The following ST6GAL2 variants were observed in gnomAD, a reference collection of about 807,000 sequenced individuals.
The protein encoded by ST6GAL2 is ST6 beta-galactoside alpha-2,6-sialyltransferase 2, also known as beta-galactoside alpha-2,6-sialyltransferase 2.
ST6GAL2 carries 24 observed loss-of-function variants against 37.5 expected under a neutral mutation model. The ratio of observed to expected loss-of-function variants is 0.64; its 90% CI spans 0.46 to 0.90. The LOEUF is 0.90. Among genes scored for constraint, ST6GAL2 ranks in the 40% least tolerant of loss-of-function variants. ST6GAL2 has a pLI of 0.00. For synonymous variants in ST6GAL2, 306 were observed against 295.1 expected, an observed-to-expected ratio of 1.04 and a Z score of -0.38; for missense variants, 715 against 712.7, an observed-to-expected ratio of 1.00 and a Z score of -0.04.
At chr2:106,869,167 A>T (rs1384435049) in intron 1 of ST6GAL2, among the ~76,000 whole-genome samples, 1 of 152,124 alleles carries the variant, frequency 6.6e-6, no homozygotes, top group Non-Finnish European at 1.5e-5. Context: ...CACAAGTACA[A>T]GACAGATACT....
intron 5 of ST6GAL2, among the ~76,000 whole-genome samples, chr2:106,825,250 T>C (rs1192488411): frequency 6.6e-6 from 1 of 152,166 alleles, no homozygotes; most frequent in Non-Finnish European, 1.5e-5. Context: ...CTTTCTCAGA[T>C]CCCCCGTTCT....
Position 106,843,488 on chromosome 2 carries a change from G to T in ST6GAL2, c.490C>A (p.Pro164Thr). ...CGCCTCCTCTGGACCTGTGCAGCCGGAAAAGCCCCCTCCCGTGGGCCTGGC... is the reference window on the plus strand; with the variant it reads ...CGCCTCCTCTGGACCTGTGCAGCCGTAAAAGCCCCCTCCCGTGGGCCTGGC... ...GEPGPREGAFPAAQVQRRRVK... is the reference protein window; with the variant it reads ...GEPGPREGAFTAAQVQRRRVK... Residue 164 changes from proline (P) to threonine (T), a missense_variant, in exon 2 of 6, where the codon CCG becomes ACG. By Grantham distance (38) the Pro-to-Thr change is conservative (BLOSUM62 -1). This residue lies in a region of ST6GAL2 where 512 missense variants were observed against 488.8 expected (regional missense o/e 1.05). Transcript: ENST00000409382. 6.2e-7 allele frequency: 1 copy of T among 1,614,048 alleles called. No individual in the cohort carries two copies. The highest frequency in any genetic ancestry group is 8.5e-7 in the Non-Finnish European group (1 of 1,180,016).
chr2:106,886,588 A>T (rs1395809016), upstream of ST6GAL2: 1 of 151,580 alleles, frequency 6.6e-6, no homozygotes, highest in Non-Finnish European at 1.5e-5. Flanking sequence ...CGGCCAGAGG[A>T]ACCGCGGCCC....
At chr2:106,853,071 G>C (rs1677435997) in intron 1 of ST6GAL2, among the ~76,000 whole-genome samples, 1 of 151,932 alleles carries the variant, frequency 6.6e-6, no homozygotes, top group Non-Finnish European at 1.5e-5. Flanking sequence ...AATTGCTGGG[G>C]TCAACTCAAG....
intron 1 of ST6GAL2, among the ~76,000 whole-genome samples, chr2:106,844,307 A>G (rs1030980097): frequency 5.3e-5 from 8 of 151,538 alleles, no homozygotes; most frequent in African/African-American, 1.9e-4. Context: ...GTATATTTGC[A>G]AAATCCTCCC....
intron 2 of ST6GAL2, 51 bp from the exon 3 acceptor site, chr2:106,834,197 A>C (rs1420208719): frequency 7.5e-7 from 1 of 1,341,526 alleles, no homozygotes; most frequent in Non-Finnish European, 1.1e-6. Flanking sequence ...AGAATCACAT[A>C]ATCTAGGAAA....
rs1676197756 is a variant in ST6GAL2, at chr2:106,826,230, TA to T, written c.1318+3835del. ...GCGTAAATTATAAAGGAAAGAGATT[TA>T]ATTGGCTCATAGTTCTGCAAGCTGT... On this transcript the variant is annotated intron_variant, in intron 5 of 5. Transcript: ENST00000409382. Among the ~76,000 whole-genome samples, 3 of 152,142 alleles carry T rather than the reference TA, an allele frequency of 2.0e-5. No individual in the cohort carries two copies. In the South Asian group the frequency reaches 6.2e-4, roughly 32 times the overall value.
chr2:106,823,395 T>G, intron 5 of ST6GAL2, among the ~76,000 whole-genome samples: 1 of 150,720 alleles, frequency 6.6e-6, no homozygotes, highest in African/African-American at 2.4e-5. Flanking sequence ...GTTGTTTCTA[T>G]ACTCCTTTTC....
At chr2:106,807,673 A>G (rs1337617464) in intron 5 of ST6GAL2, among the ~76,000 whole-genome samples, 4 of 149,362 alleles carry the variant, frequency 2.7e-5, no homozygotes, top group East Asian at 3.9e-4. Context: ...GTGTTGCTCA[A>G]GCTGGAGTGC....
chr2:106,862,964 G>C (rs1179418703), intron 1 of ST6GAL2, among the ~76,000 whole-genome samples: 1 of 150,066 alleles, frequency 6.7e-6, no homozygotes, highest in East Asian at 2.0e-4. Flanking sequence ...AGAATCATGA[G>C]TGCATTGCTT....
chr2:106,872,430 G>A (rs922166818), intron 1 of ST6GAL2, among the ~76,000 whole-genome samples: 1 of 152,168 alleles, frequency 6.6e-6, no homozygotes, highest in Non-Finnish European at 1.5e-5. Flanking sequence ...TGAAGTCACT[G>A]AAGTCCTTTT....
intron 2 of ST6GAL2, among the ~76,000 whole-genome samples, chr2:106,838,971 G>A (rs979511686): frequency 2.6e-5 from 4 of 152,080 alleles, no homozygotes; most frequent in African/African-American, 9.7e-5. Flanking sequence ...GGGAAGTGGA[G>A]GTTGCAGTGA....
chr2:106,803,164 T>C lies in ST6GAL2; in HGVS notation c.*3514A>G, dbSNP rs1675312573. 1 of 152,142 alleles carries C rather than the reference T, an allele frequency of 6.6e-6. No individual in the cohort carries two copies. Among genetic ancestry groups the C allele is most frequent in the Admixed American group, 6.6e-5 (1 of 15,266 alleles). The allele number at this position is 152,142 out of a possible 1,614,324, so 9.4% of individuals were successfully genotyped here. On this transcript the variant is annotated 3_prime_UTR_variant, in exon 6 of 6. Transcript: ENST00000409382. Reference sequence around the variant, plus strand: ...CTAATTTTGAAAACGCTAATGATTATTTTAGCATTTCTTTTTTTGCAGATG... The same window carrying C: ...CTAATTTTGAAAACGCTAATGATTACTTTAGCATTTCTTTTTTTGCAGATG...
intron 1 of ST6GAL2, among the ~76,000 whole-genome samples, chr2:106,875,167 TTTG>T (rs1368085140): frequency 1.4e-5 from 2 of 147,488 alleles, no homozygotes; most frequent in Non-Finnish European, 3.0e-5. Flanking sequence ...CTTTACTTTT[TTTG>T]TTTCTTTTTT....
At chr2:106,886,372 C>G (rs888876285), upstream of ST6GAL2, 1 of 152,168 alleles carries the variant, frequency 6.6e-6, no homozygotes, top group African/African-American at 2.4e-5. Context: ...CTCCTGCCAC[C>G]GTGGGGTCTC....
intron 2 of ST6GAL2, among the ~76,000 whole-genome samples, chr2:106,836,773 C>CAA (rs70956213): frequency 0.046 from 3,241 of 70,206 alleles, 83 homozygotes; most frequent in African/African-American, 0.057. Flanking sequence ...ACTAAAAATA[C>CAA]AAAAAAAAAA....
intron 1 of ST6GAL2, among the ~76,000 whole-genome samples, chr2:106,857,616 A>T (rs568660579): frequency 6.6e-6 from 1 of 152,278 alleles, no homozygotes; most frequent in Admixed American, 6.5e-5. Context: ...AAACAAAACA[A>T]AACAAAACCA....
chr2:106,877,297 G>A (rs974277069), intron 1 of ST6GAL2, among the ~76,000 whole-genome samples: 1 of 152,234 alleles, frequency 6.6e-6, no homozygotes, highest in East Asian at 1.9e-4. Context: ...TGTACCTGAA[G>A]TTGATGAACT....
chr2:106,856,785 C>T (rs1252700225), intron 1 of ST6GAL2, among the ~76,000 whole-genome samples: 1 of 152,186 alleles, frequency 6.6e-6, no homozygotes, highest in Non-Finnish European at 1.5e-5. Flanking sequence ...CTGCTCTCAT[C>T]ACCTCCCAGT....
Sources: gnomAD v4.1 joint callset for allele counts (sites outside exome capture counted in the v4.1 genomes callset) on GRCh38, gnomAD v4.1.1 for gene constraint, gnomAD v4.1.1 regional missense constraint, MANE v1.5 for transcripts, NCBI Gene and HGNC (gene_info 2026-07-23, HGNC 2026-07-21) for gene names.